The following ZNF423 variants were observed in gnomAD, a reference collection of about 807,000 sequenced individuals.
ZNF423 encodes zinc finger protein 423, also known as Ebf-associated zinc finger protein.
ZNF423 carries 12 observed loss-of-function variants against 95.8 expected under a neutral mutation model. The ratio of observed to expected loss-of-function variants is 0.13; its 90% CI spans 0.08 to 0.20. The LOEUF (loss-of-function observed/expected upper bound fraction) is 0.20, where lower values mean the gene tolerates loss of function less well. ZNF423 is among the 10% of genes least tolerant of loss of function. The pLI is 1.00. For synonymous variants in ZNF423, 749 were observed against 711.9 expected, an observed-to-expected ratio of 1.05 and a Z score of -0.83; for missense variants, 1,316 against 1,737.1, an observed-to-expected ratio of 0.76 and a Z score of 4.31.
At chr16:49,566,021 T>C (rs957737071) in intron 5 of ZNF423, among the ~76,000 whole-genome samples, 3 of 152,030 alleles carry the variant, frequency 2.0e-5, no homozygotes, top group Non-Finnish European at 4.4e-5. Context: ...CTTCCTTCCA[T>C]CCATCCTTAA....
intron 3 of ZNF423, among the ~76,000 whole-genome samples, chr16:49,666,374 A>G (rs2030545873): frequency 6.6e-6 from 1 of 152,152 alleles, no homozygotes; most frequent in Non-Finnish European, 1.5e-5. Context: ...ACATACAGCC[A>G]CCTACACACG....
At chr16:49,597,515 C>G (rs1003124900) in intron 5 of ZNF423, among the ~76,000 whole-genome samples, 1 of 151,958 alleles carries the variant, frequency 6.6e-6, no homozygotes, top group Non-Finnish European at 1.5e-5. Context: ...TTAATTTCAC[C>G]GGTTTCCTTT....
intron 5 of ZNF423, among the ~76,000 whole-genome samples, chr16:49,625,555 T>C (rs1461405948): frequency 6.6e-6 from 1 of 152,162 alleles, no homozygotes; most frequent in Non-Finnish European, 1.5e-5. Flanking sequence ...AACATCCAGC[T>C]GTGCCCTCTC....
In ZNF423 at chr16:49,523,753, C is replaced by T. The variant is rs997846894; in HGVS notation, c.3734-14G>A. The T allele has an allele frequency of 6.8e-6, 11 of 1,609,682 alleles. No homozygotes were observed. The highest frequency in any genetic ancestry group is 1.1e-5 in the South Asian group (1 of 91,032). On this transcript the variant is annotated splice_polypyrimidine_tract_variant and intron_variant, in intron 6 of 7. Transcript: ENST00000563137. ...CCTGGACGAAGACTAGACACAGACA[C>T]GGCTGTCAGGGCCAAGCTCAGGACA...
At chr16:49,697,378 A>G (rs8047362) in intron 3 of ZNF423, among the ~76,000 whole-genome samples, 1,954 of 152,212 alleles carry the variant, frequency 0.013, 41 homozygotes, top group African/African-American at 0.043. Context: ...GGCTTATCAC[A>G]TCACCTTCTA....
chr16:49,703,321 G>A (rs2032251447), intron 3 of ZNF423, among the ~76,000 whole-genome samples: 1 of 152,336 alleles, frequency 6.6e-6, no homozygotes, highest in Non-Finnish European at 1.5e-5. Flanking sequence ...TAAAGCATGT[G>A]AAGGAGTAAA....
chr16:49,843,923 C>T (rs1248721924), intron 1 of ZNF423, among the ~76,000 whole-genome samples: 2 of 152,108 alleles, frequency 1.3e-5, no homozygotes, highest in Non-Finnish European at 2.9e-5. Flanking sequence ...TGTGTTTATT[C>T]TGAGCCATGG....
At chr16:49,661,365 T>C (rs2030216898) in intron 3 of ZNF423, among the ~76,000 whole-genome samples, 1 of 152,230 alleles carries the variant, frequency 6.6e-6, no homozygotes, top group Non-Finnish European at 1.5e-5. Context: ...TGTATATGCT[T>C]GCAGGCATGT....
At chr16:49,619,585 G>GAA (rs34942993) in intron 5 of ZNF423, among the ~76,000 whole-genome samples, 6 of 147,672 alleles carry the variant, frequency 4.1e-5, no homozygotes, top group African/African-American at 7.4e-5. Context: ...GTTTGGCAAC[G>GAA]AAAAAAAAAA....
chr16:49,598,802 T>C (rs909426925), intron 5 of ZNF423, among the ~76,000 whole-genome samples: 9 of 152,230 alleles, frequency 5.9e-5, no homozygotes, highest in African/African-American at 2.2e-4. Flanking sequence ...GGGGGTGATG[T>C]TAGGACTGGA....
chr16:49,593,187 T>C (rs1971069345), intron 5 of ZNF423, among the ~76,000 whole-genome samples: 1 of 152,176 alleles, frequency 6.6e-6, no homozygotes, highest in African/African-American at 2.4e-5. Flanking sequence ...GGCTCATGCC[T>C]GTAATCTCAG....
chr16:49,491,053 G>A lies in ZNF423; in HGVS notation c.*222C>T, dbSNP rs1596987568. ...CGGCGGAAAGTCTAAAAGCACACTA[G>A]CTGTAGCAGGACAATAAAAAATACT... On this transcript the variant is annotated 3_prime_UTR_variant, in exon 8 of 8. Coordinates refer to ENST00000563137, the MANE Select transcript of ZNF423 (RefSeq NM_001379286.1). 1 of 580,892 alleles carries A rather than the reference G, an allele frequency of 1.7e-6. No individual in the cohort carries two copies. Among genetic ancestry groups the A allele is most frequent in the Admixed American group, 2.9e-5 (1 of 34,742 alleles). The allele number at this position is 580,892 out of a possible 1,614,324, so 36.0% of individuals were successfully genotyped here.
At chr16:49,640,180 A>G (rs978506030) in intron 3 of ZNF423, among the ~76,000 whole-genome samples, 1 of 152,152 alleles carries the variant, frequency 6.6e-6, no homozygotes, top group Non-Finnish European at 1.5e-5. Context: ...GACGTAACCC[A>G]GACGTAACCT....
intron 3 of ZNF423, among the ~76,000 whole-genome samples, chr16:49,687,974 C>T (rs539292209): frequency 2.0e-5 from 3 of 151,776 alleles, no homozygotes; most frequent in Middle Eastern, 3.2e-3. Context: ...ACCCATCTGC[C>T]CTCCCAAAAA....
intron 3 of ZNF423, among the ~76,000 whole-genome samples, chr16:49,672,130 C>T (rs2030841500): frequency 2.0e-5 from 3 of 152,196 alleles, no homozygotes; most frequent in African/African-American, 7.2e-5. Context: ...CAGTCAGGCA[C>T]ACTGATACTT....
At position 49,693,893 on chromosome 16, in the gene ZNF423, G is replaced by T. The variant is rs75599957; in HGVS notation, c.301+36878C>A. On this transcript the variant is annotated intron_variant, in intron 3 of 7. Coordinates refer to ENST00000563137, the MANE Select transcript of ZNF423 (RefSeq NM_001379286.1). ...TTATCCTTAAGCCAGTTTGAGATGC[G>T]ACTCTATTCCTTGCAAATGAAAGAT... Among the ~76,000 whole-genome samples, 609 of 152,308 alleles carry T rather than the reference G, an allele frequency of 4.0e-3. 8 individuals carry two copies. The highest frequency in any genetic ancestry group is 0.014 in the African/African-American group (566 of 41,556).
chr16:49,718,123 T>TA lies in ZNF423; in HGVS notation c.301+12647dup, dbSNP rs202030338. On this transcript the variant is annotated intron_variant, in intron 3 of 7. Coordinates refer to ENST00000563137, the MANE Select transcript of ZNF423 (RefSeq NM_001379286.1). ...GTTCCCAGCACACAGTAGATGCTTT[T>TA]AAAAAAAGCCTCTGTGGCTGGGTGT... is the stretch of plus-strand genomic sequence containing the variant. Among the ~76,000 whole-genome samples the TA allele has an allele frequency of 6.6e-3, 998 of 152,222 alleles. 10 individuals are homozygous for TA. The highest frequency in any genetic ancestry group is 0.022 in the African/African-American group (926 of 41,534).
chr16:49,856,259 C>T (rs2144145574), upstream of ZNF423: 1 of 145,944 alleles, frequency 6.9e-6, no homozygotes, highest in Non-Finnish European at 1.5e-5. Flanking sequence ...CCTCCTCCGC[C>T]CCTTGCCGGA....
At chr16:49,856,251 T>G (rs1167200452), upstream of ZNF423, 1 of 125,182 alleles carries the variant, frequency 8.0e-6, no homozygotes, top group Non-Finnish European at 1.7e-5. Flanking sequence ...CTTCTCCTCC[T>G]CCTCCGCCCC....
Sources: gnomAD v4.1 joint callset for allele counts (sites outside exome capture counted in the v4.1 genomes callset) on GRCh38, gnomAD v4.1.1 for gene constraint, MANE v1.5 for transcripts, NCBI Gene and HGNC (gene_info 2026-07-23, HGNC 2026-07-21) for gene names.